Variants in PMFBP1 observed in about 807,000 individuals in gnomAD.
The protein encoded by PMFBP1 is polyamine-modulated factor 1-binding protein 1.
In PMFBP1, 131 loss-of-function variants were observed where a neutral mutation model predicts 137.8. The ratio of observed to expected loss-of-function variants is 0.95; its 90% confidence interval spans 0.82 to 1.10. The LOEUF is 1.10. PMFBP1 is among the 50% of genes least tolerant of loss of function. The pLI is 0.00. For missense variants in PMFBP1, 1,199 were observed against 1,175.4 expected (o/e 1.02, Z -0.29); for synonymous variants, 490 against 450.4 (o/e 1.09, Z -1.11).
At chr16:72,122,483 G>A (rs1311287238) in intron 19 of PMFBP1, among the ~76,000 whole-genome samples, 1 of 152,150 alleles carries the variant, frequency 6.6e-6, no homozygotes, top group African/African-American at 2.4e-5. Context: ...GCCCCCAGAT[G>A]AGCAGGTGGA....
intron 19 of PMFBP1, among the ~76,000 whole-genome samples, chr16:72,121,007 T>C (rs751983234): frequency 6.6e-6 from 1 of 152,222 alleles, no homozygotes; most frequent in South Asian, 2.1e-4. Context: ...GTTGGTTTTC[T>C]TTCAAATAAG....
the PMFBP1 span, among the ~76,000 whole-genome samples, chr16:72,202,535 C>T: frequency 1.3e-5 from 2 of 152,124 alleles, no homozygotes; most frequent in Non-Finnish European, 2.9e-5. Context: ...TAGGTCCCAC[C>T]CCGACACTGG....
intron 4 of PMFBP1, among the ~76,000 whole-genome samples, chr16:72,153,803 C>T (rs1284978254): frequency 6.8e-6 from 1 of 147,938 alleles, no homozygotes; most frequent in Non-Finnish European, 1.5e-5. Context: ...ATTATCAAGA[C>T]CTTATTTTTC....
Position 72,129,218 on chromosome 16 carries a change from A to T in PMFBP1, c.1798T>A (p.Ser600Thr). ...RIKHQHREQGSIKCKLEEDLQ... is the reference protein window; with the variant it reads ...RIKHQHREQGTIKCKLEEDLQ... ...TCTTCTTCTAACTTGCATTTGATGGAGCCTTGCTCCCTGTGCTGAAAAAAT... is the reference window on the plus strand; with the variant it reads ...TCTTCTTCTAACTTGCATTTGATGGTGCCTTGCTCCCTGTGCTGAAAAAAT... The change falls in exon 13 of 21, where the codon TCC becomes ACC. Residue 600 changes from serine (S) to threonine (T), a missense_variant. Coordinates refer to ENST00000237353, the MANE Select transcript of PMFBP1 (RefSeq NM_031293.3). 6.2e-7 allele frequency: 1 copy of T among 1,612,620 alleles called. No homozygotes were observed. Among genetic ancestry groups the T allele is most frequent in the Non-Finnish European group, 8.5e-7 (1 of 1,179,982 alleles).
At chr16:72,215,412 G>T in the PMFBP1 span, among the ~76,000 whole-genome samples, 13 of 150,424 alleles carry the variant, frequency 8.6e-5, no homozygotes, top group Non-Finnish European at 1.5e-4. Flanking sequence ...ATAGCCATTA[G>T]TCTGACAGCT....
chr16:72,167,306 C>G (rs1025413377), intron 2 of PMFBP1, among the ~76,000 whole-genome samples: 1 of 151,896 alleles, frequency 6.6e-6, no homozygotes, highest in Non-Finnish European at 1.5e-5. Flanking sequence ...TTTTTTTTAA[C>G]CACTTTACAG....
At chr16:72,123,032 TC>T in intron 18 of PMFBP1, 44 bp from the exon 19 acceptor site, 1 of 1,563,302 alleles carries the variant, frequency 6.4e-7, no homozygotes. Context: ...GTCGCCAGCC[TC>T]CCGCGAGCAA....
chr16:72,165,237 A>G (rs2043127993), intron 2 of PMFBP1, among the ~76,000 whole-genome samples: 1 of 152,184 alleles, frequency 6.6e-6, no homozygotes. Context: ...ACTGTCTATA[A>G]ATATTAATGG....
chr16:72,172,637 C>A (rs1032116831), upstream of PMFBP1, among the ~76,000 whole-genome samples: 1 of 151,624 alleles, frequency 6.6e-6, no homozygotes, highest in African/African-American at 2.4e-5. Flanking sequence ...AGAGAGATTG[C>A]GGGTTTGGTT....
At chr16:72,221,197 G>T in the PMFBP1 span, among the ~76,000 whole-genome samples, 1 of 152,162 alleles carries the variant, frequency 6.6e-6, no homozygotes, top group Non-Finnish European at 1.5e-5. Flanking sequence ...AAAATGGAAA[G>T]AAAGGGTGCA....
the PMFBP1 span, among the ~76,000 whole-genome samples, chr16:72,248,748 C>T: frequency 2.6e-5 from 4 of 152,054 alleles, no homozygotes; most frequent in African/African-American, 9.7e-5. Flanking sequence ...AGCTTTTAGG[C>T]GCCCAATGAA....
intron 7 of PMFBP1, among the ~76,000 whole-genome samples, chr16:72,139,000 G>C (rs548761936): frequency 1.3e-5 from 2 of 152,070 alleles, no homozygotes; most frequent in Non-Finnish European, 2.9e-5. Context: ...GACACGAGGA[G>C]GCTAGATGGT....
At chr16:72,122,112 T>C (rs1240114896) in intron 19 of PMFBP1, among the ~76,000 whole-genome samples, 1 of 152,172 alleles carries the variant, frequency 6.6e-6, no homozygotes, top group African/African-American at 2.4e-5. Flanking sequence ...TAAGTTCTCA[T>C]CATTTAGCTC....
chr16:72,223,179 G>C, the PMFBP1 span, among the ~76,000 whole-genome samples: 3 of 152,172 alleles, frequency 2.0e-5, no homozygotes, highest in African/African-American at 4.8e-5. Flanking sequence ...TCCTGCACAA[G>C]GAAGAAAGGT....
intron 19 of PMFBP1, 27 bp downstream of exon 19, chr16:72,122,887 C>T (rs2042396379): frequency 1.2e-6 from 2 of 1,601,326 alleles, no homozygotes; most frequent in Non-Finnish European, 8.5e-7. Context: ...TCCCAGGAAG[C>T]AGCCAGGGTG....
the PMFBP1 span, among the ~76,000 whole-genome samples, chr16:72,245,377 T>C: frequency 2.0e-5 from 3 of 152,176 alleles, no homozygotes; most frequent in Non-Finnish European, 2.9e-5. Flanking sequence ...TGAGGTTCAA[T>C]ATCCAAGGTG....
chr16:72,197,357 A>C, the PMFBP1 span, among the ~76,000 whole-genome samples: 13 of 152,356 alleles, frequency 8.5e-5, no homozygotes, highest in African/African-American at 2.9e-4. Context: ...GCAACCCTGC[A>C]TCATGCATGG....
chr16:72,140,928 C>CTTTTTTTTTTTTTTT lies in PMFBP1; in HGVS notation c.637-361_637-347dup, dbSNP rs35908141. Among the ~76,000 whole-genome samples the CTTTTTTTTTTTTTTT allele has an allele frequency of 2.1e-4, 15 of 69,796 alleles. 1 individual carries two copies. Among genetic ancestry groups the CTTTTTTTTTTTTTTT allele is most frequent in the Non-Finnish European group, 2.3e-4 (9 of 39,210 alleles). The allele number at this position is 69,796 out of a possible 152,430, so 45.8% of individuals were successfully genotyped here. A position where few individuals can be genotyped will look rare whatever the true frequency, so the allele number is the denominator to read the frequency against. On this transcript the variant is annotated intron_variant, in intron 5 of 20. Transcript: ENST00000237353. ...CACTTTTTTTCTTACACAAATGAGT[C>CTTTTTTTTTTTTTTT]TTTTTTTTTTTTTTTTTTTTTTTTG...
chr16:72,131,286 G>C (rs142177078), intron 10 of PMFBP1, among the ~76,000 whole-genome samples: 2 of 152,338 alleles, frequency 1.3e-5, no homozygotes, highest in South Asian at 2.1e-4. Flanking sequence ...AGGGAAGTGG[G>C]GAGGAATGGT....
Sources: gnomAD v4.1 joint callset for allele counts (sites outside exome capture counted in the v4.1 genomes callset) on GRCh38, gnomAD v4.1.1 for gene constraint, MANE v1.5 for transcripts, NCBI Gene and HGNC (gene_info 2026-07-23, HGNC 2026-07-21) for gene names.